The following ASIC5 variants were observed in gnomAD, a reference collection of about 807,000 sequenced individuals.
ASIC5 encodes the protein acid sensing ion channel subunit family member 5, also known as bile acid-sensitive ion channel.
In ASIC5, 52 loss-of-function variants were observed where a neutral mutation model predicts 51.2. That is an observed-to-expected ratio of 1.02 (90% CI 0.81 to 1.28). The LOEUF (loss-of-function observed/expected upper bound fraction) is 1.28. Among genes scored for constraint, ASIC5 ranks in the 50% most tolerant of loss-of-function variants. ASIC5 has a pLI of 0.00. For synonymous variants in ASIC5, 231 were observed against 200.7 expected, an observed-to-expected ratio of 1.15 and a Z score of -1.28; for missense variants, 635 against 595.0, an observed-to-expected ratio of 1.07 and a Z score of -0.70.
intron 2 of ASIC5, among the ~76,000 whole-genome samples, chr4:155,857,855 A>C (rs1741585791): frequency 6.6e-6 from 1 of 152,132 alleles, no homozygotes; most frequent in East Asian, 1.9e-4. Context: ...TAACTAATGA[A>C]ACCTTTGTTG....
chr4:155,858,453 C>T (rs967202117), intron 2 of ASIC5, among the ~76,000 whole-genome samples: 16 of 151,956 alleles, frequency 1.1e-4, no homozygotes, highest in African/African-American at 3.9e-4. Context: ...GACAAATATT[C>T]ATAAAGAGGC....
intron 2 of ASIC5, among the ~76,000 whole-genome samples, chr4:155,862,011 C>T (rs1015855319): frequency 1.3e-5 from 2 of 151,944 alleles, no homozygotes; most frequent in Non-Finnish European, 2.9e-5. Context: ...GAAAAGTTTG[C>T]CTTTTAAGAT....
rs576107381 is a variant in ASIC5, at chr4:155,864,481, G to A, written c.41-727C>T. The A allele has an allele frequency of 5.9e-5, 9 of 152,058 alleles. No homozygotes were observed. The South Asian group carries it at 1.7e-3, about 28-fold the overall frequency. The allele number at this position is 152,058 out of a possible 1,614,324, so 9.4% of individuals were successfully genotyped here. On this transcript the variant is annotated intron_variant, in intron 1 of 9. Coordinates refer to ENST00000537611, the MANE Select transcript of ASIC5 (RefSeq NM_017419.3). ...TATGATATGTTGACAATTTTATTTT[G>A]GTTAAATTTCTTTCCATTTGTTCAT...
chr4:155,861,411 T>C (rs967893806), intron 2 of ASIC5, among the ~76,000 whole-genome samples: 1 of 152,054 alleles, frequency 6.6e-6, no homozygotes, highest in African/African-American at 2.4e-5. Context: ...AGATTGATCA[T>C]TTATTCAACA....
intron 2 of ASIC5, among the ~76,000 whole-genome samples, chr4:155,858,384 A>G (rs1000856021): frequency 6.6e-6 from 1 of 152,244 alleles, no homozygotes; most frequent in African/African-American, 2.4e-5. Context: ...AAACTAGACT[A>G]ATATGGCTGT....
chr4:155,840,969 A>G (rs1382416337), intron 6 of ASIC5, among the ~76,000 whole-genome samples: 1 of 151,714 alleles, frequency 6.6e-6, no homozygotes, highest in Non-Finnish European at 1.5e-5. Flanking sequence ...GACAGCTTCA[A>G]CTCCACATGA....
chr4:155,830,335 T>A lies in ASIC5; in HGVS notation c.1328-289A>T, dbSNP rs1055717289. Among the ~76,000 whole-genome samples the A allele has an allele frequency of 2.0e-5, 3 of 152,120 alleles. No homozygotes were observed. The East Asian group carries it at 5.8e-4, about 29-fold the overall frequency. ...AAAATCTCGGTAAATTCATTAGAGA[T>A]TCTAGATAATTACAAACTCATTTCT... is the stretch of plus-strand genomic sequence containing the variant. On this transcript the variant is annotated intron_variant, in intron 9 of 9. Transcript: ENST00000537611.
At chr4:155,840,482 A>G (rs1741092194) in intron 6 of ASIC5, among the ~76,000 whole-genome samples, 1 of 147,578 alleles carries the variant, frequency 6.8e-6, no homozygotes, top group Non-Finnish European at 1.5e-5. Flanking sequence ...TTATATTTAT[A>G]CATATTTTAT....
At chr4:155,836,905 T>C in intron 7 of ASIC5, 48 bp from the exon 8 acceptor site, 1 of 1,374,328 alleles carries the variant, frequency 7.3e-7, no homozygotes, top group Non-Finnish European at 1.0e-6. Context: ...AAATATTTCA[T>C]CATGGGTAGG....
At chr4:155,853,093 G>T (rs1462667381) in intron 3 of ASIC5, among the ~76,000 whole-genome samples, 1 of 151,974 alleles carries the variant, frequency 6.6e-6, no homozygotes, top group East Asian at 1.9e-4. Context: ...ATTACTTTTA[G>T]TCTTCAGTTT....
chr4:155,844,106 G>A (rs767897699), intron 4 of ASIC5, among the ~76,000 whole-genome samples: 3 of 152,000 alleles, frequency 2.0e-5, no homozygotes, highest in Admixed American at 1.3e-4. Context: ...TTTCTTGATT[G>A]ATGTCTGGTA....
chr4:155,839,520 T>C (rs1228955268), intron 6 of ASIC5, among the ~76,000 whole-genome samples: 1 of 152,178 alleles, frequency 6.6e-6, no homozygotes, highest in African/African-American at 2.4e-5. Context: ...CTCCTACGGC[T>C]GATTCTAAAG....
intron 4 of ASIC5, among the ~76,000 whole-genome samples, chr4:155,844,717 C>T (rs1381073963): frequency 6.6e-6 from 1 of 151,996 alleles, no homozygotes. Flanking sequence ...AAATAAAGCA[C>T]CTTGCTCCCC....
intron 2 of ASIC5, among the ~76,000 whole-genome samples, chr4:155,863,008 C>G (rs145236682): frequency 1.2e-3 from 179 of 152,142 alleles, no homozygotes; most frequent in African/African-American, 4.1e-3. Flanking sequence ...TGATGTTTCT[C>G]TTTTCTGCTA....
At chr4:155,861,702 C>T (rs1200264519) in intron 2 of ASIC5, among the ~76,000 whole-genome samples, 5 of 151,936 alleles carry the variant, frequency 3.3e-5, no homozygotes, top group African/African-American at 4.8e-5. Flanking sequence ...TTGCATCTGC[C>T]GTTTTACTTT....
In ASIC5 at chr4:155,843,808, G is replaced by A. The variant is rs1741176877; in HGVS notation, c.734C>T (p.Ala245Val). 1 of 1,613,528 alleles carries A rather than the reference G, an allele frequency of 6.2e-7. No individual in the cohort carries two copies. Among genetic ancestry groups the A allele is most frequent in the East Asian group, 2.2e-5 (1 of 44,834 alleles). Residue 245 changes from alanine to valine, a missense_variant, in exon 5 of 10, where the codon GCC (alanine) becomes GTC (valine). Physicochemically the swap from Ala to Val is moderately conservative, Grantham distance 64 (BLOSUM62 0). Transcript: ENST00000537611. ...VNQEAFTDNP[A>V]LGFVDAGIIF... Reference sequence around the variant, plus strand: ...GATCCCAGCATCAACGAAACCAAGGGCTGGGTTATCAGTGAATGCCTCCTG... The same window carrying A: ...GATCCCAGCATCAACGAAACCAAGGACTGGGTTATCAGTGAATGCCTCCTG...
At chr4:155,852,406 A>G in intron 3 of ASIC5, 90 bp from the exon 4 acceptor site, 1 of 1,069,412 alleles carries the variant, frequency 9.4e-7, no homozygotes, top group Non-Finnish European at 1.4e-6. Context: ...TTAAAGCACA[A>G]ATACCTAACA....
chr4:155,830,794 TTC>T (rs764984603), intron 9 of ASIC5, among the ~76,000 whole-genome samples: 2 of 152,174 alleles, frequency 1.3e-5, no homozygotes, highest in Non-Finnish European at 2.9e-5. Flanking sequence ...CTCTTTTACT[TTC>T]TGTCTCTGAA....
chr4:155,843,571 T>A (rs968836384), intron 5 of ASIC5, 110 bp downstream of exon 5: 6 of 1,243,664 alleles, frequency 4.8e-6, no homozygotes, highest in Non-Finnish European at 5.6e-6. Flanking sequence ...TTTTGGAATT[T>A]CTAATGGTGT....
Sources: gnomAD v4.1 joint callset for allele counts (sites outside exome capture counted in the v4.1 genomes callset) on GRCh38, gnomAD v4.1.1 for gene constraint, MANE v1.5 for transcripts, NCBI Gene and HGNC (gene_info 2026-07-23, HGNC 2026-07-21) for gene names.